ACSBG2: variants seen among roughly 807,000 people sequenced by gnomAD.
ACSBG2 encodes the protein long-chain-fatty-acid--CoA ligase ACSBG2.
ACSBG2 carries 62 observed loss-of-function variants against 74.7 expected under a neutral mutation model. The observed-to-expected ratio is 0.83, with a 90% CI of 0.68 to 1.03. The LOEUF (loss-of-function observed/expected upper bound fraction) is 1.03. Among genes scored for constraint, ACSBG2 ranks in the 50% least tolerant of loss-of-function variants. The pLI, the probability that ACSBG2 is intolerant of heterozygous loss-of-function variation, is 0.00. For synonymous variants in ACSBG2, 309 were observed against 294.1 expected, an observed-to-expected ratio of 1.05 and a Z score of -0.52; for missense variants, 730 against 817.6, an observed-to-expected ratio of 0.89 and a Z score of 1.31.
intron 5 of ACSBG2, among the ~76,000 whole-genome samples, chr19:6,159,383 A>G (rs1257356152): frequency 6.6e-6 from 1 of 152,212 alleles, no homozygotes; most frequent in Non-Finnish European, 1.5e-5. Flanking sequence ...CCAGCTGGGA[A>G]TGCTGGCTTA....
rs1177044933 is a variant in ACSBG2 at position 6,190,591 on chromosome 19, G to C, written c.1935G>C (p.Met645Ile). The C allele has an allele frequency of 2.5e-6, 4 of 1,613,870 alleles. No individual in the cohort carries two copies. Among genetic ancestry groups the C allele is most frequent in the Non-Finnish European group, 3.4e-6 (4 of 1,179,794 alleles). The stretch of plus-strand genomic sequence containing the variant: ...TTTCTCCTTTCTCGATAGGTCCAAT[G>C]ATGAAACTTAAGAGACATTTTGTAG... Reference protein sequence around the residue: ...FSIYGGELGPMMKLKRHFVAQ... With the variant: ...FSIYGGELGPIMKLKRHFVAQ... Residue 645 changes from methionine (M) to isoleucine (I), a missense_variant, in exon 14 of 15, where the codon ATG becomes ATC. Met to Ile is a conservative substitution (Grantham distance 10). Coordinates refer to ENST00000588485, the MANE Select transcript of ACSBG2 (RefSeq NM_030924.5).
intron 8 of ACSBG2, among the ~76,000 whole-genome samples, chr19:6,182,209 T>TA (rs2090279677): frequency 4.7e-5 from 7 of 149,974 alleles, no homozygotes; most frequent in Admixed American, 4.6e-4. Context: ...CAATTTGTAT[T>TA]TAAAAAAAAA....
chr19:6,187,212 C>T (rs536682801), intron 11 of ACSBG2, 71 bp from the exon 12 acceptor site: 28 of 1,598,278 alleles, frequency 1.8e-5, no homozygotes, highest in Non-Finnish European at 2.0e-5. Context: ...ACCATGTTGG[C>T]CAGGCTGGTC....
Position 6,184,096 on chromosome 19 carries a change from T to C in ACSBG2, c.1322+824T>C, listed in dbSNP as rs146147718. Among the ~76,000 whole-genome samples the C allele has an allele frequency of 2.6e-3, 393 of 152,314 alleles. 3 individuals carry two copies. Among genetic ancestry groups the C allele is most frequent in the African/African-American group, 9.0e-3 (376 of 41,566 alleles). On this transcript the variant is annotated intron_variant, in intron 10 of 14. Coordinates refer to ENST00000588485, the MANE Select transcript of ACSBG2 (RefSeq NM_030924.5). ...CAGGCATGAACCACCATGCCCAGCA[T>C]TGCCATACATTTAAAAGTCATTTGT...
intron 5 of ACSBG2, chr19:6,160,419 A>G (rs1167031352): frequency 6.6e-6 from 1 of 151,968 alleles, no homozygotes; most frequent in Non-Finnish European, 1.5e-5. Context: ...GAAAGAAAAG[A>G]AAAAAGAATC....
chr19:6,151,130 G>T (rs956165157), intron 3 of ACSBG2, among the ~76,000 whole-genome samples: 1 of 143,580 alleles, frequency 7.0e-6, no homozygotes, highest in Non-Finnish European at 1.5e-5. Flanking sequence ...AAAAAAAAAA[G>T]AAAATGGTAA....
At chr19:6,142,425 CCAT>C (rs752628352) in intron 2 of ACSBG2, among the ~76,000 whole-genome samples, 280 of 152,080 alleles carry the variant, frequency 1.8e-3, no homozygotes, top group Non-Finnish European at 3.6e-3. Flanking sequence ...GCTCTTGACA[CCAT>C]CGAGAGTGAA....
At chr19:6,181,696 G>C (rs1015641097) in intron 8 of ACSBG2, among the ~76,000 whole-genome samples, 9 of 151,940 alleles carry the variant, frequency 5.9e-5, no homozygotes, top group African/African-American at 2.2e-4. Flanking sequence ...TTACATTTAG[G>C]GCTATAATGC....
At chr19:6,171,334 A>G (rs1182476885) in intron 7 of ACSBG2, among the ~76,000 whole-genome samples, 1 of 151,772 alleles carries the variant, frequency 6.6e-6, no homozygotes, top group East Asian at 1.9e-4. Context: ...GCTTACATGT[A>G]CTTTTATGGT....
chr19:6,177,861 T>C (rs1316545506), intron 8 of ACSBG2, among the ~76,000 whole-genome samples: 4 of 146,548 alleles, frequency 2.7e-5, no homozygotes, highest in African/African-American at 1.0e-4. Context: ...ATGTACTTGG[T>C]ACTGAAAGTA....
In ACSBG2 at chr19:6,161,285, A is replaced by G. The variant is rs761854801; in HGVS notation, c.578A>G (p.Asn193Ser). 5 of 1,606,434 alleles carry G rather than the reference A, an allele frequency of 3.1e-6. No homozygotes were observed. In the South Asian group the frequency reaches 3.3e-5, roughly 11 times the overall value. Reference sequence around the variant, plus strand: ...AGACTGCCAATGAAGAAGAACAACAACTTGTACTCTGTAAGTGTGGGAGGT... The same window carrying G: ...AGACTGCCAATGAAGAAGAACAACAGCTTGTACTCTGTAAGTGTGGGAGGT... The part of the protein sequence containing the change: ...QYRLPMKKNN[N>S]LYSWDDFMEL... Residue 193 changes from asparagine (N) to serine (S), a missense_variant, in exon 6 of 15, where the codon AAC becomes AGC. By Grantham distance (46) the Asn-to-Ser change is conservative. Transcript: ENST00000588485.
intron 1 of ACSBG2, among the ~76,000 whole-genome samples, chr19:6,136,507 C>A (rs936299740): frequency 6.6e-6 from 1 of 151,078 alleles, no homozygotes; most frequent in Non-Finnish European, 1.5e-5. Flanking sequence ...GGATTATAGG[C>A]ACGCGCCACC....
At chr19:6,177,875 AGTGTGTGTGTGT>A (rs3036311) in intron 8 of ACSBG2, among the ~76,000 whole-genome samples, 25 of 143,520 alleles carry the variant, frequency 1.7e-4, no homozygotes, top group Non-Finnish European at 2.7e-4. Context: ...GAAAGTAAAG[AGTGTGTGTGTGT>A]GTGTGTGTGT....
Position 6,185,561 on chromosome 19 carries a change from C to A in ACSBG2, c.1448C>A (p.Thr483Lys). 5 of 1,614,186 alleles carry A rather than the reference C, an allele frequency of 3.1e-6. No homozygotes were observed. Among genetic ancestry groups the A allele is most frequent in the Non-Finnish European group, 4.2e-6 (5 of 1,180,034 alleles). The change falls in exon 11 of 15, where the codon ACA becomes AAA. Residue 483 changes from threonine to lysine, a missense_variant. Transcript: ENST00000588485. Reference sequence around the variant, plus strand: ...TATCTGGAAAGTGAGACTGAAACTACAGAGGCCATCGATGATGAAGGCTGG... The same window carrying A: ...TATCTGGAAAGTGAGACTGAAACTAAAGAGGCCATCGATGATGAAGGCTGG... ...MGYLESETET[T>K]EAIDDEGWLH...
chr19:6,149,321 T>C (rs2089152445), intron 3 of ACSBG2, among the ~76,000 whole-genome samples: 1 of 151,882 alleles, frequency 6.6e-6, no homozygotes. Context: ...TGGTTCCTTT[T>C]CCCCCAAGAA....
rs770004413 is a variant in ACSBG2, at chr19:6,183,110, G to T, written c.1160G>T (p.Gly387Val). The T allele has an allele frequency of 1.2e-6, 2 of 1,614,170 alleles. No individual in the cohort carries two copies. The highest frequency in any genetic ancestry group is 2.2e-5 in the South Asian group (2 of 91,068). The change falls in exon 10 of 15, where the codon GGC becomes GTC. Residue 387 changes from glycine to valine, a missense_variant. Transcript: ENST00000588485. ...LVFSKVKTSLGLDHCHSFISG... is the reference protein window; with the variant it reads ...LVFSKVKTSLVLDHCHSFISG... Reference sequence around the variant, plus strand: ...TTCAGCAAAGTCAAGACATCCCTTGGCTTGGATCACTGTCACTCTTTTATC... The same window carrying T: ...TTCAGCAAAGTCAAGACATCCCTTGTCTTGGATCACTGTCACTCTTTTATC...
At chr19:6,156,086 T>C (rs955057634) in intron 4 of ACSBG2, among the ~76,000 whole-genome samples, 6 of 152,000 alleles carry the variant, frequency 3.9e-5, no homozygotes, top group African/African-American at 1.2e-4. Context: ...CTGTGAATGA[T>C]GGGAACAGAG....
At chr19:6,150,721 G>A (rs2089207713) in intron 3 of ACSBG2, among the ~76,000 whole-genome samples, 1 of 152,166 alleles carries the variant, frequency 6.6e-6, no homozygotes, top group Non-Finnish European at 1.5e-5. Context: ...GTTTTATACA[G>A]AGAGTTTCAG....
intron 6 of ACSBG2, among the ~76,000 whole-genome samples, chr19:6,163,168 G>A (rs2089682616): frequency 7.5e-6 from 1 of 133,556 alleles, no homozygotes; most frequent in Non-Finnish European, 1.6e-5. Context: ...AATAATAATC[G>A]CCCAAGCACA....
Sources: gnomAD v4.1 joint callset for allele counts (sites outside exome capture counted in the v4.1 genomes callset) on GRCh38, gnomAD v4.1.1 for gene constraint, MANE v1.5 for transcripts, NCBI Gene and HGNC (gene_info 2026-07-23, HGNC 2026-07-21) for gene names.